Variants in TDRD10 observed in about 807,000 individuals in gnomAD.
TDRD10 encodes the protein tudor domain-containing protein 10.
Under a neutral mutation model 48.0 loss-of-function variants are expected in TDRD10, and 40 were observed. The ratio of observed to expected loss-of-function variants is 0.83; its 90% confidence interval spans 0.65 to 1.09. TDRD10 has a LOEUF of 1.09. Among genes scored for constraint, TDRD10 ranks in the 50% least tolerant of loss-of-function variants. The pLI is 0.00. For synonymous variants in TDRD10, 162 were observed against 170.4 expected (o/e 0.95, Z 0.38); for missense variants, 378 against 434.7 (o/e 0.87, Z 1.16).
chr1:154,545,011 T>G, intron 11 of TDRD10, 62 bp downstream of exon 11: 2 of 1,588,222 alleles, frequency 1.3e-6, no homozygotes, highest in South Asian at 2.3e-5. Flanking sequence ...TGGTTGCTTC[T>G]GGGACCTGAA....
At chr1:154,535,973 T>C (rs1694898908) in intron 6 of TDRD10, among the ~76,000 whole-genome samples, 1 of 151,920 alleles carries the variant, frequency 6.6e-6, no homozygotes, top group Non-Finnish European at 1.5e-5. Flanking sequence ...AAATGTAAAA[T>C]TGAGAGGAGC....
In TDRD10 at chr1:154,531,354, C is replaced by T. The variant is rs563574636; in HGVS notation, c.369+9875C>T. The stretch of plus-strand genomic sequence containing the variant: ...GTCTCACTGACTTCAAGAATGAAGC[C>T]GCGGACCCTTGCGGTAAGTATTACA... On this transcript the variant is annotated intron_variant, in intron 6 of 12. Coordinates refer to ENST00000368482, the MANE Select transcript of TDRD10 (RefSeq NM_182499.4). Among the ~76,000 whole-genome samples the T allele has an allele frequency of 4.6e-5, 7 of 152,226 alleles. No individual in the cohort carries two copies. The East Asian group carries it at 1.2e-3, about 25-fold the overall frequency.
At chr1:154,547,318 T>A in intron 11 of TDRD10, 91 bp from the exon 12 acceptor site, 4 of 1,414,558 alleles carry the variant, frequency 2.8e-6, no homozygotes, top group Non-Finnish European at 3.9e-6. Flanking sequence ...CAGAGCACTT[T>A]CCCTGCAGCC....
Position 154,524,314 on chromosome 1 carries a change from G to A in TDRD10, c.369+2835G>A, listed in dbSNP as rs146430210. 2.5e-3 allele frequency among the ~76,000 whole-genome samples: 384 copies of A among 152,198 alleles called. 3 individuals carry two copies. The highest frequency in any genetic ancestry group is 8.8e-3 in the African/African-American group (366 of 41,520). On this transcript the variant is annotated intron_variant, in intron 6 of 12. Transcript: ENST00000368482. ...CCCTAGTAGCTGGGACTACAGGCAT[G>A]CACCACTATGCCTGACTAATTTTTG...
At position 154,548,140 on chromosome 1, in the gene TDRD10, T is replaced by C. The variant is rs1695707517; in HGVS notation, c.*430T>C. On this transcript the variant is annotated 3_prime_UTR_variant, in exon 13 of 13. Transcript: ENST00000368482. ...CAATGAGCAAATAAATGTTGGCATG[T>C]TTCATGAGTTTGGAGTGATTGATAC... 1 of 211,292 alleles carries C rather than the reference T, an allele frequency of 4.7e-6. No homozygotes were observed. Among genetic ancestry groups the C allele is most frequent in the Non-Finnish European group, 9.6e-6 (1 of 104,194 alleles). 13.1% of individuals were successfully genotyped at this position (211,292 alleles called of 1,614,324 possible).
At chr1:154,521,178 T>C in intron 5 of TDRD10, 145 bp from the exon 6 acceptor site, 1 of 785,464 alleles carries the variant, frequency 1.3e-6, no homozygotes, top group Non-Finnish European at 2.1e-6. Context: ...CTGGACATAC[T>C]TGTAGCTTGC....
intron 4 of TDRD10, among the ~76,000 whole-genome samples, chr1:154,519,788 G>T (rs540550585): frequency 5.9e-5 from 9 of 152,152 alleles, no homozygotes; most frequent in South Asian, 2.1e-4. Flanking sequence ...ACCCAAGCCC[G>T]CGGAGCAGGA....
Position 154,544,610 on chromosome 1 carries a change from T to C in TDRD10, c.797+93T>C, listed in dbSNP as rs963971600. On this transcript the variant is annotated intron_variant, in intron 10 of 12. Transcript: ENST00000368482. ...CTCTTCCTTTGGGCTCTGGTTTTTTTTCCTGTGGCTTCTTCTCTCAAAATC... is the reference window on the plus strand; with the variant it reads ...CTCTTCCTTTGGGCTCTGGTTTTTTCTCCTGTGGCTTCTTCTCTCAAAATC... 17 of 1,506,216 alleles carry C rather than the reference T, an allele frequency of 1.1e-5. No individual in the cohort carries two copies. In the Admixed American group the frequency reaches 4.0e-4, roughly 35 times the overall value. The allele number at this position is 1,506,216 out of a possible 1,614,324, so 93.3% of individuals were successfully genotyped here. A position where few individuals can be genotyped will look rare whatever the true frequency, so the allele number is the denominator to read the frequency against.
chr1:154,544,066 A>G lies in TDRD10; in HGVS notation c.607A>G (p.Ile203Val). The G allele has an allele frequency of 1.2e-6, 2 of 1,614,170 alleles. No individual in the cohort carries two copies. The highest frequency in any genetic ancestry group is 1.7e-6 in the Non-Finnish European group (2 of 1,180,022). Reference sequence around the variant, plus strand: ...GGAGGCGGGGCTGCTGGTGACGAGTATCGTCCCGAAGACCCCGTTTTTCTG... The same window carrying G: ...GGAGGCGGGGCTGCTGGTGACGAGTGTCGTCCCGAAGACCCCGTTTTTCTG... ...RGEAGLLVTS[I>V]VPKTPFFWAM... The change falls in exon 9 of 13, where the codon ATC becomes GTC. Residue 203 changes from isoleucine to valine, a missense_variant. Physicochemically the swap from Ile to Val is conservative, Grantham distance 29. This residue lies in a region of TDRD10 where 310 missense variants were observed against 323.6 expected (regional missense o/e 0.96). Transcript: ENST00000368482.
At chr1:154,543,673 CCTCT>C (rs1347085751) in intron 8 of TDRD10, among the ~76,000 whole-genome samples, 2 of 152,166 alleles carry the variant, frequency 1.3e-5, no homozygotes, top group Admixed American at 1.3e-4. Flanking sequence ...CTTTTATCCA[CCTCT>C]CTCGGAGTTT....
intron 4 of TDRD10, 132 bp from the exon 5 acceptor site, chr1:154,520,172 A>G: frequency 1.5e-6 from 1 of 657,262 alleles, no homozygotes; most frequent in Non-Finnish European, 2.7e-6. Flanking sequence ...CATGGCACGT[A>G]CAGCACATAA....
chr1:154,543,856 A>C, intron 8 of TDRD10, 107 bp from the exon 9 acceptor site: 2 of 1,499,426 alleles, frequency 1.3e-6, no homozygotes, highest in East Asian at 4.5e-5. Context: ...TAGGGGACTC[A>C]TCCCCCAGGC....
At position 154,541,255 on chromosome 1, in the gene TDRD10, G is replaced by A. The variant is rs78503810; in HGVS notation, c.370-769G>A. 8.7e-3 allele frequency among the ~76,000 whole-genome samples: 1,310 copies of A among 151,346 alleles called. 21 individuals are homozygous for A. The highest frequency in any genetic ancestry group is 0.03 in the African/African-American group (1,247 of 41,130). On this transcript the variant is annotated intron_variant, in intron 6 of 12. Transcript: ENST00000368482. Reference sequence around the variant, plus strand: ...CCAGAGCGGGAGGGAGCAGGTCCATGCAGGGGAGGGATGGCGGGGAGGGCA... The same window carrying A: ...CCAGAGCGGGAGGGAGCAGGTCCATACAGGGGAGGGATGGCGGGGAGGGCA...
chr1:154,538,670 G>A (rs113854199), intron 6 of TDRD10, among the ~76,000 whole-genome samples: 3 of 151,424 alleles, frequency 2.0e-5, no homozygotes, highest in African/African-American at 7.3e-5. Context: ...TGACTAACAC[G>A]GTGAAACCCC....
At chr1:154,536,069 G>A (rs1570965728) in intron 6 of TDRD10, among the ~76,000 whole-genome samples, 1 of 152,230 alleles carries the variant, frequency 6.6e-6, no homozygotes, top group Non-Finnish European at 1.5e-5. Context: ...GGAAAAAGCA[G>A]CAGTTAATTC....
At chr1:154,520,981 C>T (rs572897762) in intron 5 of TDRD10, among the ~76,000 whole-genome samples, 15 of 152,298 alleles carry the variant, frequency 9.8e-5, no homozygotes, top group South Asian at 8.3e-4. Flanking sequence ...TCAAGCGATC[C>T]GCCTGTCTTG....
intron 6 of TDRD10, among the ~76,000 whole-genome samples, chr1:154,534,890 T>C (rs1306520206): frequency 6.6e-6 from 1 of 152,118 alleles, no homozygotes; most frequent in East Asian, 1.9e-4. Context: ...TAATTTCCCA[T>C]GGGTGAAGGA....
chr1:154,538,551 A>C (rs1695045130), intron 6 of TDRD10, among the ~76,000 whole-genome samples: 2 of 22,224 alleles, frequency 9.0e-5, no homozygotes, highest in Admixed American at 1.4e-3. Flanking sequence ...ACTCTATCTC[A>C]AAAAAAAAAA....
At chr1:154,520,253 G>T in intron 4 of TDRD10, 51 bp from the exon 5 acceptor site, 1 of 1,332,054 alleles carries the variant, frequency 7.5e-7, no homozygotes, top group South Asian at 1.2e-5. Flanking sequence ...CTTGAGAAGT[G>T]GTTGTAAGTT....
Sources: gnomAD v4.1 joint callset for allele counts (sites outside exome capture counted in the v4.1 genomes callset) on GRCh38, gnomAD v4.1.1 for gene constraint, gnomAD v4.1.1 regional missense constraint, MANE v1.5 for transcripts, NCBI Gene and HGNC (gene_info 2026-07-23, HGNC 2026-07-21) for gene names.